UBE2J1: variants seen among roughly 807,000 people sequenced by gnomAD.
UBE2J1 encodes ubiquitin conjugating enzyme E2 J1, also known as ubiquitin-conjugating enzyme E2 J1.
A neutral mutation model predicts 42.1 loss-of-function variants in UBE2J1; 17 were observed. The ratio of observed to expected loss-of-function variants is 0.40; its 90% CI spans 0.28 to 0.61. The LOEUF (loss-of-function observed/expected upper bound fraction) is 0.61. Ranked by LOEUF, UBE2J1 falls within the 20% of genes least tolerant of loss-of-function variation. UBE2J1 has a pLI of 0.38. For synonymous variants in UBE2J1, 127 were observed against 137.2 expected (o/e 0.93, Z 0.52); for missense variants, 291 against 389.4 (o/e 0.75, Z 2.13).
intron 3 of UBE2J1, among the ~76,000 whole-genome samples, chr6:89,341,725 TAAA>T (rs76220211): frequency 2.9e-5 from 4 of 139,926 alleles, no homozygotes; most frequent in Non-Finnish European, 6.3e-5. Context: ...CCGTGTCTCT[TAAA>T]AAAAAAAAAA....
In UBE2J1 at chr6:89,327,357, G is replaced by A. The variant is rs1249821072; in HGVS notation, c.*2322C>T. 1 of 152,194 alleles carries A rather than the reference G, an allele frequency of 6.6e-6. No individual in the cohort carries two copies. Among genetic ancestry groups the A allele is most frequent in the African/African-American group, 2.4e-5 (1 of 41,420 alleles). 9.4% of individuals were successfully genotyped at this position (152,194 alleles called of 1,614,324 possible). The stretch of plus-strand genomic sequence containing the variant: ...GTTTTAGCTGTATGCTGGAATTAAG[G>A]AGTTAAAGTAGGGCTTTAAAGATAA... On this transcript the variant is annotated 3_prime_UTR_variant, in exon 8 of 8. Transcript: ENST00000435041.
At chr6:89,342,963 C>G (rs1225333144) in intron 2 of UBE2J1, among the ~76,000 whole-genome samples, 1 of 152,108 alleles carries the variant, frequency 6.6e-6, no homozygotes, top group East Asian at 1.9e-4. Flanking sequence ...TATTTTTATT[C>G]CCACTGTTAC....
Position 89,352,704 on chromosome 6 carries a change from C to T in UBE2J1, c.-135G>A. 1 of 992,530 alleles carries T rather than the reference C, an allele frequency of 1.0e-6. No homozygotes were observed. The highest frequency in any genetic ancestry group is 2.1e-5 in the South Asian group (1 of 47,150). The allele number at this position is 992,530 out of a possible 1,614,324, so 61.5% of individuals were successfully genotyped here. On this transcript the variant is annotated 5_prime_UTR_variant, in exon 1 of 8. Transcript: ENST00000435041. The stretch of plus-strand genomic sequence containing the variant: ...CCTCGGCAAATGCCGCCCAGTCCAG[C>T]CTGGACTGCGGGCGGGGTGGCAAGG...
At chr6:89,336,298 G>GT (rs1204541041) in intron 5 of UBE2J1, among the ~76,000 whole-genome samples, 1 of 151,564 alleles carries the variant, frequency 6.6e-6, no homozygotes, top group Non-Finnish European at 1.5e-5. Context: ...TTGTTTGTTT[G>GT]TTTGTTTGAG....
In UBE2J1 at chr6:89,328,424, A is replaced by T. The variant is rs1229995356; in HGVS notation, c.*1255T>A. The stretch of plus-strand genomic sequence containing the variant: ...TCCAACATTGTTTGACTTGTAAAAA[A>T]ATTAACTTACAAATAACACTTTTGG... On this transcript the variant is annotated 3_prime_UTR_variant, in exon 8 of 8. Coordinates refer to ENST00000435041, the MANE Select transcript of UBE2J1 (RefSeq NM_016021.3). The T allele has an allele frequency of 6.6e-6, 1 of 152,242 alleles. No individual in the cohort carries two copies. Among genetic ancestry groups the T allele is most frequent in the Non-Finnish European group, 1.5e-5 (1 of 68,036 alleles). 9.4% of individuals were successfully genotyped at this position (152,242 alleles called of 1,614,324 possible). A position where few individuals can be genotyped will look rare whatever the true frequency, so the allele number is the denominator to read the frequency against.
At chr6:89,337,094 G>A (rs1039963177) in intron 5 of UBE2J1, among the ~76,000 whole-genome samples, 8 of 152,074 alleles carry the variant, frequency 5.3e-5, no homozygotes, top group Non-Finnish European at 1.2e-4. Context: ...ACCTGTCTTG[G>A]CCTGCCAAAG....
In UBE2J1 at chr6:89,328,269, A is replaced by G. The variant is rs1436808865; in HGVS notation, c.*1410T>C. 5.3e-5 allele frequency: 8 copies of G among 152,186 alleles called. No individual in the cohort carries two copies. Among genetic ancestry groups the G allele is most frequent in the Admixed American group, 4.6e-4 (7 of 15,276 alleles). 9.4% of individuals were successfully genotyped at this position (152,186 alleles called of 1,614,324 possible). ...AATTTTCCTTTAAGACGATTTTACAATTATTTCTCTTGTCCATAATTTCAC... is the reference window on the plus strand; with the variant it reads ...AATTTTCCTTTAAGACGATTTTACAGTTATTTCTCTTGTCCATAATTTCAC... On this transcript the variant is annotated 3_prime_UTR_variant, in exon 8 of 8. Transcript: ENST00000435041.
At chr6:89,350,203 G>A (rs1171813791) in intron 1 of UBE2J1, among the ~76,000 whole-genome samples, 2 of 152,090 alleles carry the variant, frequency 1.3e-5, no homozygotes, top group Non-Finnish European at 2.9e-5. Context: ...CCACATGCTA[G>A]TACACTGGCC....
chr6:89,335,469 T>G (rs1161274821), intron 5 of UBE2J1, 38 bp from the exon 6 acceptor site: 1 of 1,480,422 alleles, frequency 6.8e-7, no homozygotes, highest in Admixed American at 2.0e-5. Context: ...AATAAATAGT[T>G]AAATGTTTAA....
At chr6:89,334,982 A>C (rs1190910203) in intron 6 of UBE2J1, among the ~76,000 whole-genome samples, 2 of 152,222 alleles carry the variant, frequency 1.3e-5, no homozygotes, top group Non-Finnish European at 2.9e-5. Flanking sequence ...AATAAGCAAC[A>C]GAGCTGGGAT....
intron 1 of UBE2J1, among the ~76,000 whole-genome samples, chr6:89,351,510 T>G (rs73752739): frequency 0.037 from 5,572 of 152,146 alleles, 159 homozygotes; most frequent in Non-Finnish European, 0.054. Flanking sequence ...TTTTCTGGGG[T>G]TTTTGCATAT....
intron 1 of UBE2J1, among the ~76,000 whole-genome samples, chr6:89,349,577 G>A (rs1422715675): frequency 6.6e-6 from 1 of 152,150 alleles, no homozygotes; most frequent in Non-Finnish European, 1.5e-5. Flanking sequence ...AGGGTAAACT[G>A]CAAGTTTAGG....
intron 1 of UBE2J1, among the ~76,000 whole-genome samples, chr6:89,350,788 G>A (rs1768460506): frequency 1.3e-5 from 2 of 151,960 alleles, no homozygotes; most frequent in African/African-American, 4.8e-5. Context: ...GAAATTGAGC[G>A]ATGTTTTCTG....
At chr6:89,339,524 AGGGAGGGAAGTGG>A (rs1177954597) in intron 3 of UBE2J1, among the ~76,000 whole-genome samples, 3 of 846 alleles carry the variant, frequency 3.5e-3, no homozygotes, top group Non-Finnish European at 7.9e-3. Context: ...GGAGGGGGGA[AGGGAGGGAAGTGG>A]GGAGGGGAGG....
rs1767954948 is a variant in UBE2J1, at chr6:89,329,018, GC to G, written c.*660del. ...ATTTGTGTGATTATGGCAGCAGAGG[GC>G]AGGGGGTGGTGATAACAGCATATCA... On this transcript the variant is annotated 3_prime_UTR_variant, in exon 8 of 8. Coordinates refer to ENST00000435041, the MANE Select transcript of UBE2J1 (RefSeq NM_016021.3). The G allele has an allele frequency of 6.6e-6, 1 of 152,214 alleles. No homozygotes were observed. Among genetic ancestry groups the G allele is most frequent in the Non-Finnish European group, 1.5e-5 (1 of 68,058 alleles). The allele number at this position is 152,214 out of a possible 1,614,324, so 9.4% of individuals were successfully genotyped here. A position where few individuals can be genotyped will look rare whatever the true frequency, so the allele number is the denominator to read the frequency against.
chr6:89,333,262 C>A lies in UBE2J1; in HGVS notation c.559-57G>T. On this transcript the variant is annotated intron_variant, in intron 6 of 7. Coordinates refer to ENST00000435041, the MANE Select transcript of UBE2J1 (RefSeq NM_016021.3). Reference sequence around the variant, plus strand: ...ACAACAGGAAACAACAGGAAACATACACAATCTACAACCTGCTAAATCCTC... The same window carrying A: ...ACAACAGGAAACAACAGGAAACATAAACAATCTACAACCTGCTAAATCCTC... The A allele has an allele frequency of 3.2e-6, 5 of 1,550,560 alleles. No individual in the cohort carries two copies. The South Asian group carries it at 6.3e-5, about 19-fold the overall frequency.
intron 1 of UBE2J1, among the ~76,000 whole-genome samples, 164 bp from the exon 2 acceptor site, chr6:89,343,920 G>A (rs1260285172): frequency 6.6e-6 from 1 of 152,050 alleles, no homozygotes; most frequent in Admixed American, 6.5e-5. Context: ...GGGAGAGGAA[G>A]GAAACAGTTG....
At chr6:89,341,389 A>G (rs1768243873) in intron 3 of UBE2J1, among the ~76,000 whole-genome samples, 2 of 152,220 alleles carry the variant, frequency 1.3e-5, no homozygotes, top group South Asian at 4.1e-4. Context: ...ATAATTAAAC[A>G]TAGTTAAAGG....
In UBE2J1 at chr6:89,352,643, C is replaced by T; in HGVS notation, c.-74G>A. 2 of 1,465,464 alleles carry T rather than the reference C, an allele frequency of 1.4e-6. No homozygotes were observed. Among genetic ancestry groups the T allele is most frequent in the Non-Finnish European group, 1.8e-6 (2 of 1,109,536 alleles). 90.8% of individuals were successfully genotyped at this position (1,465,464 alleles called of 1,614,324 possible). On this transcript the variant is annotated 5_prime_UTR_variant, in exon 1 of 8. Transcript: ENST00000435041. ...CTCCACGCGGCCGCTGCCCGGGTCTCAGCGCGGCTCGGGCGGACGGGGCCT... is the reference window on the plus strand; with the variant it reads ...CTCCACGCGGCCGCTGCCCGGGTCTTAGCGCGGCTCGGGCGGACGGGGCCT...
Sources: allele counts gnomAD v4.1 joint callset (sites outside exome capture counted in the v4.1 genomes callset), GRCh38; gene constraint gnomAD v4.1.1; transcripts MANE v1.5; gene names NCBI Gene and HGNC (gene_info 2026-07-23, HGNC 2026-07-21).